Variants in TSPAN15 observed in about 807,000 individuals in gnomAD.
The protein encoded by TSPAN15 is tetraspanin 15.
A neutral mutation model predicts 34.5 loss-of-function variants in TSPAN15; 20 were observed. The observed-to-expected ratio is 0.58, with a 90% CI of 0.41 to 0.84. The LOEUF is 0.84. Ranked by LOEUF, TSPAN15 falls within the 40% of genes least tolerant of loss-of-function variation. TSPAN15 has a pLI of 0.00. For missense variants in TSPAN15, 313 were observed against 386.1 expected, an observed-to-expected ratio of 0.81 and a Z score of 1.59; for synonymous variants, 155 against 153.9, an observed-to-expected ratio of 1.01 and a Z score of -0.05.
At chr10:69,482,512 C>T (rs898233286) in intron 1 of TSPAN15, among the ~76,000 whole-genome samples, 11 of 152,180 alleles carry the variant, frequency 7.2e-5, no homozygotes, top group Non-Finnish European at 7.3e-5. Context: ...AAGTAAATTC[C>T]GTGTTATGGT....
At chr10:69,537,197 C>G in the TSPAN15 span, among the ~76,000 whole-genome samples, 1 of 152,114 alleles carries the variant, frequency 6.6e-6, no homozygotes, top group African/African-American at 2.4e-5. Flanking sequence ...CAGGACCAGG[C>G]TGCAGGGCAA....
the TSPAN15 span, among the ~76,000 whole-genome samples, chr10:69,518,793 C>T: frequency 1.8e-4 from 28 of 152,318 alleles, 1 homozygote; most frequent in Admixed American, 1.8e-3. Context: ...GGCAGTCCTT[C>T]CCAATGTCTT....
chr10:69,484,533 G>A (rs1327330616), intron 2 of TSPAN15, among the ~76,000 whole-genome samples: 1 of 152,204 alleles, frequency 6.6e-6, no homozygotes, highest in Non-Finnish European at 1.5e-5. Flanking sequence ...CTCTGCACTT[G>A]TGTGTCTCTT....
intron 1 of TSPAN15, among the ~76,000 whole-genome samples, chr10:69,477,607 T>G (rs1053073480): frequency 1.3e-5 from 2 of 152,214 alleles, no homozygotes; most frequent in African/African-American, 4.8e-5. Context: ...TTTCAAGAGC[T>G]TGCTAGCCAC....
chr10:69,485,767 G>A (rs1026426017), intron 3 of TSPAN15, among the ~76,000 whole-genome samples: 5 of 89,532 alleles, frequency 5.6e-5, no homozygotes, highest in African/African-American at 2.8e-4. Flanking sequence ...GGGCCCAACT[G>A]GGAGGCTGTG....
At chr10:69,547,046 A>G in the TSPAN15 span, among the ~76,000 whole-genome samples, 2 of 152,134 alleles carry the variant, frequency 1.3e-5, no homozygotes, top group Admixed American at 6.5e-5. Context: ...AATTAAAAAT[A>G]TAAAAATTAA....
the TSPAN15 span, chr10:69,523,733 C>T: frequency 5.6e-6 from 1 of 178,658 alleles, no homozygotes; most frequent in Non-Finnish European, 1.2e-5. Context: ...AGTTTTATTT[C>T]CGGGCTCTGT....
chr10:69,475,158 G>C (rs1162881857), intron 1 of TSPAN15, among the ~76,000 whole-genome samples: 1 of 152,154 alleles, frequency 6.6e-6, no homozygotes, highest in Non-Finnish European at 1.5e-5. Context: ...TGGAGATGAA[G>C]TTGCTCTTGA....
At chr10:69,525,966 A>G in the TSPAN15 span, among the ~76,000 whole-genome samples, 1 of 147,712 alleles carries the variant, frequency 6.8e-6, no homozygotes, top group African/African-American at 2.5e-5. Context: ...GGGAATTTCT[A>G]AAAGATAAAT....
the TSPAN15 span, among the ~76,000 whole-genome samples, chr10:69,545,925 C>G: frequency 6.6e-6 from 1 of 152,052 alleles, no homozygotes; most frequent in African/African-American, 2.4e-5. Context: ...CACTGCACTC[C>G]AGCCCGGGTG....
In TSPAN15 at chr10:69,504,447, G is replaced by T. The variant is rs192757129; in HGVS notation, c.580G>T (p.Val194Phe). The stretch of plus-strand genomic sequence containing the variant: ...TACATTTCCATTTCAGACAGAAGTT[G>T]TCAACACCATGTGTGGCTACAAAAC... ...TCCIRNTTEV[V>F]NTMCGYKTID... Residue 194 changes from valine to phenylalanine, a missense_variant, in exon 6 of 8, where the codon GTC (valine) becomes TTC (phenylalanine). By Grantham distance (50) the Val-to-Phe change is conservative. Transcript: ENST00000373290. 6.2e-7 allele frequency: 1 copy of T among 1,613,914 alleles called. No homozygotes were observed. The highest frequency in any genetic ancestry group is 8.5e-7 in the Non-Finnish European group (1 of 1,179,886).
the TSPAN15 span, among the ~76,000 whole-genome samples, chr10:69,517,965 C>T: frequency 6.6e-6 from 1 of 152,214 alleles, no homozygotes; most frequent in African/African-American, 2.4e-5. Context: ...CTGCACCTCC[C>T]AAGACACATA....
chr10:69,506,117 C>T lies in TSPAN15; in HGVS notation c.619-7C>T, dbSNP rs1414063177. ...CTGCTGGGCTGACCCAGCTCCTTCC[C>T]ATGCAGCGTTTCAGTGTGCAGGATG... On this transcript the variant is annotated splice_region_variant and splice_polypyrimidine_tract_variant and intron_variant, in intron 6 of 7. Coordinates refer to ENST00000373290, the MANE Select transcript of TSPAN15 (RefSeq NM_012339.5). The surrounding 1 kb of genome is among the most constrained non-coding windows in gnomAD (Gnocchi z 4.7). 2 of 1,612,948 alleles carry T rather than the reference C, an allele frequency of 1.2e-6. No individual in the cohort carries two copies. Among genetic ancestry groups the T allele is most frequent in the Admixed American group, 1.7e-5 (1 of 59,966 alleles).
chr10:69,511,822 C>T (rs146211852), downstream of TSPAN15, among the ~76,000 whole-genome samples: 620 of 152,054 alleles, frequency 4.1e-3, 22 homozygotes, highest in East Asian at 0.057. Context: ...CCATCATTCT[C>T]GGCAAACTGA....
chr10:69,504,583 G>A, intron 6 of TSPAN15, 98 bp downstream of exon 6: 2 of 1,268,240 alleles, frequency 1.6e-6, no homozygotes, highest in Non-Finnish European at 2.3e-6. Context: ...CCTGGCCACT[G>A]AGATTTTCCC....
chr10:69,466,937 G>A (rs1186696054), intron 1 of TSPAN15, among the ~76,000 whole-genome samples: 8 of 152,206 alleles, frequency 5.3e-5, no homozygotes, highest in Non-Finnish European at 7.3e-5. Flanking sequence ...TGTGCAGCTC[G>A]TAAGTGGCCC....
At chr10:69,535,924 T>C in the TSPAN15 span, among the ~76,000 whole-genome samples, 1 of 152,192 alleles carries the variant, frequency 6.6e-6, no homozygotes, top group Non-Finnish European at 1.5e-5. Context: ...CCAGGGGTTG[T>C]GGGGGCAAAT....
intron 1 of TSPAN15, among the ~76,000 whole-genome samples, chr10:69,462,639 C>T (rs918249821): frequency 3.9e-5 from 6 of 152,120 alleles, no homozygotes; most frequent in African/African-American, 1.4e-4. Context: ...CTGGCCCTAC[C>T]TGTGATTTTT....
At chr10:69,494,960 TC>T in intron 3 of TSPAN15, 1 of 770,178 alleles carries the variant, frequency 1.3e-6, no homozygotes, top group East Asian at 1.3e-4. Context: ...GCCATGTTCC[TC>T]CCGGCAGGGA....
Sources: allele counts gnomAD v4.1 joint callset (sites outside exome capture counted in the v4.1 genomes callset), GRCh38; gene constraint gnomAD v4.1.1; non-coding constraint Gnocchi (gnomAD v3.1); transcripts MANE v1.5; gene names NCBI Gene and HGNC (gene_info 2026-07-23, HGNC 2026-07-21).